GARNL3: variants seen among roughly 807,000 people sequenced by gnomAD.
GARNL3 encodes the protein GTPase activating Rap/RanGAP domain like 3.
Under a neutral mutation model 125.0 loss-of-function variants are expected in GARNL3, and 63 were observed. That is an observed-to-expected ratio of 0.50 (90% CI 0.41 to 0.62). The LOEUF (loss-of-function observed/expected upper bound fraction) is 0.62. Ranked by LOEUF, GARNL3 falls within the 20% of genes least tolerant of loss-of-function variation. The probability of loss-of-function intolerance (pLI) is 0.00; values close to 1 mark genes in which losing one functional copy is unlikely to be tolerated. For missense variants in GARNL3, 994 were observed against 1,244.0 expected (o/e 0.80, Z 3.02); for synonymous variants, 439 against 457.5 (o/e 0.96, Z 0.52).
intron 1 of GARNL3, among the ~76,000 whole-genome samples, chr9:127,229,193 C>T (rs1273643236): frequency 2.0e-5 from 3 of 152,210 alleles, no homozygotes; most frequent in Non-Finnish European, 4.4e-5. Flanking sequence ...ACCTTCTCCC[C>T]TTATTTTTGT....
intron 22 of GARNL3, among the ~76,000 whole-genome samples, chr9:127,381,169 C>T (rs994414460): frequency 6.6e-6 from 1 of 152,192 alleles, no homozygotes. Flanking sequence ...AGAGCCACTA[C>T]ACCTGCCCGA....
intron 17 of GARNL3, among the ~76,000 whole-genome samples, chr9:127,350,085 A>G (rs1213947002): frequency 1.3e-5 from 2 of 152,160 alleles, no homozygotes; most frequent in Non-Finnish European, 2.9e-5. Flanking sequence ...TTCTGACCTC[A>G]TCTGTTATTT....
chr9:127,309,005 T>C (rs1564904499), intron 2 of GARNL3, among the ~76,000 whole-genome samples: 2 of 152,242 alleles, frequency 1.3e-5, no homozygotes, highest in African/African-American at 4.8e-5. Context: ...TTGCAGCTTT[T>C]ATATAAATTT....
intron 9 of GARNL3, among the ~76,000 whole-genome samples, chr9:127,334,419 C>T (rs762274834): frequency 6.6e-5 from 10 of 152,184 alleles, no homozygotes; most frequent in Non-Finnish European, 1.3e-4. Context: ...TCCCACCAGC[C>T]TGCCATGGCA....
At chr9:127,294,524 G>A (rs1019756592) in intron 2 of GARNL3, among the ~76,000 whole-genome samples, 4 of 152,128 alleles carry the variant, frequency 2.6e-5, no homozygotes, top group African/African-American at 9.7e-5. Context: ...GGCTGGTCTC[G>A]AACTCCTGAC....
At chr9:127,311,338 C>T (rs2065092696) in intron 2 of GARNL3, among the ~76,000 whole-genome samples, 1 of 151,990 alleles carries the variant, frequency 6.6e-6, no homozygotes, top group African/African-American at 2.4e-5. Flanking sequence ...TAGGGGGCAC[C>T]AACTCCCAAA....
intron 2 of GARNL3, among the ~76,000 whole-genome samples, chr9:127,252,020 C>G (rs1371190993): frequency 6.6e-6 from 1 of 152,192 alleles, no homozygotes; most frequent in Admixed American, 6.5e-5. Flanking sequence ...CAATAAGTTA[C>G]CAGCTCTAGA....
chr9:127,389,055 C>T lies in GARNL3; in HGVS notation c.2679C>T (p.His893=), dbSNP rs1168298320. ...GCCTTGCTGCCATTCCAGTCACGCA[C>T]TCCTTGTCCCTGTCTCGCATGGAGA... The part of the protein sequence containing the change: ...SVGLAAIPVT[H]SLSLSRMEIK... The change falls in exon 26 of 28, where the codon CAC becomes CAT. Residue 893 remains histidine (H), a synonymous_variant. Coordinates refer to ENST00000373387, the MANE Select transcript of GARNL3 (RefSeq NM_032293.5). The T allele has an allele frequency of 1.2e-6, 2 of 1,614,190 alleles. No homozygotes were observed. The highest frequency in any genetic ancestry group is 4.5e-5 in the East Asian group (2 of 44,892).
intron 1 of GARNL3, among the ~76,000 whole-genome samples, chr9:127,272,158 C>G (rs2063838496): frequency 6.7e-6 from 1 of 150,130 alleles, no homozygotes; most frequent in Non-Finnish European, 1.5e-5. Flanking sequence ...TGTTCAGGCA[C>G]AGATTGGATT....
At chr9:127,374,599 C>G (rs892013406) in intron 22 of GARNL3, among the ~76,000 whole-genome samples, 4 of 151,996 alleles carry the variant, frequency 2.6e-5, no homozygotes, top group African/African-American at 9.7e-5. Flanking sequence ...TTGCAAATCA[C>G]CTATCTCATA....
intron 22 of GARNL3, among the ~76,000 whole-genome samples, chr9:127,375,479 AAAAAG>A (rs745938531): frequency 7.9e-5 from 12 of 152,062 alleles, no homozygotes; most frequent in Middle Eastern, 3.4e-3. Flanking sequence ...AAAAAAAAAA[AAAAAG>A]AAAAGAAAGA....
At position 127,313,422 on chromosome 9, in the gene GARNL3, C is replaced by G. The variant is rs1564908704; in HGVS notation, c.320-19C>G. On this transcript the variant is annotated intron_variant, in intron 3 of 27. Transcript: ENST00000373387. ...CAGGATCAGTTGCATTCTCACTGTT[C>G]TAAACCTTTCTTTTCCAGTCCATCA... 6.4e-7 allele frequency: 1 copy of G among 1,571,166 alleles called. No individual in the cohort carries two copies. The highest frequency in any genetic ancestry group is 8.8e-7 in the Non-Finnish European group (1 of 1,140,878).
chr9:127,291,818 C>G (rs1051741222), intron 2 of GARNL3, among the ~76,000 whole-genome samples: 2 of 144,578 alleles, frequency 1.4e-5, no homozygotes, highest in East Asian at 4.2e-4. Context: ...ACTCGCCAGC[C>G]TTTTTCTTCT....
At chr9:127,275,607 TG>T (rs910702702) in intron 1 of GARNL3, among the ~76,000 whole-genome samples, 1 of 152,196 alleles carries the variant, frequency 6.6e-6, no homozygotes, top group Non-Finnish European at 1.5e-5. Flanking sequence ...GGAACATCTG[TG>T]GGTTCTGAAA....
chr9:127,225,327 G>A, intron 1 of GARNL3: 1 of 984,436 alleles, frequency 1.0e-6, no homozygotes, highest in Non-Finnish European at 1.2e-6. Flanking sequence ...ACCGGAGCCC[G>A]GCGGGGTGGC....
upstream of GARNL3, chr9:127,263,874 TCAAA>T (rs1224767835): frequency 2.6e-5 from 36 of 1,370,954 alleles, no homozygotes; most frequent in Non-Finnish European, 3.3e-5. Context: ...TTGGAGCCTG[TCAAA>T]CAGTGTCCTG....
At chr9:127,327,148 A>G (rs920456645) in intron 7 of GARNL3, among the ~76,000 whole-genome samples, 3 of 152,214 alleles carry the variant, frequency 2.0e-5, no homozygotes, top group Non-Finnish European at 4.4e-5. Context: ...TCATTCATTC[A>G]TTGATTCAAC....
intron 20 of GARNL3, among the ~76,000 whole-genome samples, 173 bp downstream of exon 20, chr9:127,355,645 A>T (rs1830649237): frequency 6.6e-6 from 1 of 152,230 alleles, no homozygotes; most frequent in Non-Finnish European, 1.5e-5. Context: ...GCTAAAGCTC[A>T]TTCATTCCAG....
intron 16 of GARNL3, 112 bp from the exon 17 acceptor site, chr9:127,348,812 A>G (rs777347769): frequency 5.0e-5 from 33 of 665,922 alleles, no homozygotes; most frequent in Admixed American, 1.3e-4. Flanking sequence ...CTCCGCTCCC[A>G]CGGGGGTATC....
Sources: allele counts gnomAD v4.1 joint callset (sites outside exome capture counted in the v4.1 genomes callset), GRCh38; gene constraint gnomAD v4.1.1; transcripts MANE v1.5; gene names NCBI Gene and HGNC (gene_info 2026-07-23, HGNC 2026-07-21).